The following ZZEF1 variants were observed in gnomAD, a reference collection of about 807,000 sequenced individuals.
The protein encoded by ZZEF1 is zinc finger ZZ-type and EF-hand domain-containing protein 1.
ZZEF1 carries 157 observed loss-of-function variants against 342.8 expected under a neutral mutation model. The observed-to-expected ratio is 0.46, with a 90% CI of 0.40 to 0.52. The LOEUF (loss-of-function observed/expected upper bound fraction) is 0.52, where lower values mean the gene tolerates loss of function less well. Ranked by LOEUF, ZZEF1 falls within the 20% of genes least tolerant of loss-of-function variation. The probability of loss-of-function intolerance (pLI) is 0.00; values close to 1 mark genes in which losing one functional copy is unlikely to be tolerated. For missense variants in ZZEF1, 3,480 were observed against 3,725.6 expected, an observed-to-expected ratio of 0.93 and a Z score of 1.72; for synonymous variants, 1,505 against 1,429.1, an observed-to-expected ratio of 1.05 and a Z score of -1.20.
chr17:4,074,448 A>G, intron 23 of ZZEF1, 97 bp from the exon 24 acceptor site: 1 of 1,253,312 alleles, frequency 8.0e-7, no homozygotes, highest in Non-Finnish European at 1.1e-6. Flanking sequence ...TCAGTTTAAA[A>G]TTGATCTCTA....
intron 34 of ZZEF1, 79 bp downstream of exon 34, chr17:4,053,978 G>C (rs1192229158): frequency 6.7e-7 from 1 of 1,490,536 alleles, no homozygotes; most frequent in Admixed American, 2.1e-5. Context: ...TACACTGAGA[G>C]TTTTTAAAAA....
chr17:4,104,297 C>T (rs1388101167), intron 8 of ZZEF1, among the ~76,000 whole-genome samples: 3 of 152,198 alleles, frequency 2.0e-5, no homozygotes, highest in Non-Finnish European at 4.4e-5. Flanking sequence ...TTGGCCTACA[C>T]AATGAGACAC....
At chr17:4,010,763 T>C (rs1010681294) in intron 52 of ZZEF1, among the ~76,000 whole-genome samples, 1 of 138,420 alleles carries the variant, frequency 7.2e-6, no homozygotes, top group African/African-American at 2.7e-5. Context: ...AAAAGCAAGA[T>C]GTAAAACTAC....
chr17:4,048,816 C>T lies in ZZEF1; in HGVS notation c.6015+892G>A, dbSNP rs921228922. ...GCAACCTCCGCCTCCCGGGTTCAAG[C>T]GATTCCCCTGCCTCTCGAGTAGCTG... On this transcript the variant is annotated intron_variant, in intron 37 of 54. Transcript: ENST00000381638. Among the ~76,000 whole-genome samples, 11 of 151,850 alleles carry T rather than the reference C, an allele frequency of 7.2e-5. No individual in the cohort carries two copies. The East Asian group carries it at 1.2e-3, about 16-fold the overall frequency.
chr17:4,068,284 A>C (rs1281598455), intron 26 of ZZEF1, among the ~76,000 whole-genome samples: 3 of 152,144 alleles, frequency 2.0e-5, no homozygotes, highest in African/African-American at 7.2e-5. Context: ...TTAGAAAAAT[A>C]ACAATTTTTT....
At chr17:4,056,148 C>T in intron 33 of ZZEF1, 68 bp downstream of exon 33, 1 of 1,418,074 alleles carries the variant, frequency 7.1e-7, no homozygotes, top group Non-Finnish European at 9.3e-7. Context: ...CCAGAACCCC[C>T]CCAGGCAAAC....
At chr17:4,082,205 A>G (rs1000301765) in intron 17 of ZZEF1, among the ~76,000 whole-genome samples, 13 of 152,222 alleles carry the variant, frequency 8.5e-5, no homozygotes, top group African/African-American at 3.1e-4. Context: ...AAGTGTTCAA[A>G]AAGACCCTCA....
intron 39 of ZZEF1, among the ~76,000 whole-genome samples, chr17:4,038,591 G>T (rs1331512324): frequency 6.6e-6 from 1 of 152,164 alleles, no homozygotes; most frequent in Non-Finnish European, 1.5e-5. Flanking sequence ...GATCACTGGA[G>T]GCCAGGAGTT....
intron 29 of ZZEF1, 109 bp from the exon 30 acceptor site, chr17:4,063,026 T>C (rs956285846): frequency 1.7e-6 from 2 of 1,162,804 alleles, no homozygotes; most frequent in Non-Finnish European, 2.3e-6. Flanking sequence ...GAAACACTAT[T>C]GTGAGGTATT....
At chr17:4,133,014 G>A (rs1217408941) in intron 1 of ZZEF1, among the ~76,000 whole-genome samples, 2 of 152,018 alleles carry the variant, frequency 1.3e-5, no homozygotes, top group African/African-American at 4.8e-5. Context: ...GCACAGAGCA[G>A]AGCCTCATCT....
intron 12 of ZZEF1, among the ~76,000 whole-genome samples, chr17:4,090,288 C>T (rs367920365): frequency 7.1e-6 from 1 of 140,874 alleles, no homozygotes; most frequent in East Asian, 2.1e-4. Context: ...CTCCTCCACA[C>T]ACTGTAGCCT....
chr17:4,106,750 C>T (rs974376383), intron 6 of ZZEF1, among the ~76,000 whole-genome samples: 1 of 152,126 alleles, frequency 6.6e-6, no homozygotes, highest in South Asian at 2.1e-4. Flanking sequence ...ACTTCTGAGC[C>T]CTACTGTGTG....
chr17:4,102,629 A>T (rs1168943315), intron 8 of ZZEF1, among the ~76,000 whole-genome samples: 1 of 152,208 alleles, frequency 6.6e-6, no homozygotes, highest in Non-Finnish European at 1.5e-5. Context: ...TATGGCCCTG[A>T]GTGATTCCAA....
intron 28 of ZZEF1, among the ~76,000 whole-genome samples, chr17:4,065,840 T>C (rs758912810): frequency 1.3e-5 from 2 of 152,042 alleles, no homozygotes; most frequent in Admixed American, 6.5e-5. Flanking sequence ...CACTTTAAAA[T>C]CATAACAAGG....
chr17:4,098,241 CAAAA>C (rs61342066), intron 9 of ZZEF1, among the ~76,000 whole-genome samples: 6 of 103,370 alleles, frequency 5.8e-5, no homozygotes, highest in East Asian at 2.8e-4. Flanking sequence ...GACTCCAACT[CAAAA>C]AAAAAAAAAA....
Position 4,104,649 on chromosome 17 carries a change from G to C in ZZEF1, c.1557C>G (p.Asn519Lys). ...CATATTTACCATATTTGAGGAGCAG[G>C]TTCTGTCTGACTGACGCCATGGACA... ...LILSMASVRQNLLLKYGKPLQ... is the reference protein window; with the variant it reads ...LILSMASVRQKLLLKYGKPLQ... The change falls in exon 8 of 55, where the codon AAC becomes AAG. Residue 519 changes from asparagine to lysine, a missense_variant. Physicochemically the swap from Asn to Lys is moderately conservative, Grantham distance 94. Around this residue, in one of 5 missense-constraint regions of ZZEF1, gnomAD observed 1,528 missense variants for 1,624.1 expected, o/e 0.94. Transcript: ENST00000381638. The C allele has an allele frequency of 6.2e-7, 1 of 1,614,012 alleles. No individual in the cohort carries two copies. The highest frequency in any genetic ancestry group is 1.3e-5 in the African/African-American group (1 of 75,026).
Position 4,059,207 on chromosome 17 carries a change from A to G in ZZEF1, c.4967T>C (p.Val1656Ala). The change falls in exon 31 of 55, where the codon GTC becomes GCC. Residue 1656 changes from valine to alanine, a missense_variant. Val to Ala is a moderately conservative substitution (Grantham distance 64). This residue lies in a region of ZZEF1 where 1,528 missense variants were observed against 1,624.1 expected (regional missense o/e 0.94). Coordinates refer to ENST00000381638, the MANE Select transcript of ZZEF1 (RefSeq NM_015113.4). ...DTYYQLVLFL[V>A]KAVKGFSSLN... ...GCTACTAAATCCTTTAACTGCTTTG[A>G]CCAAAAACAGAACAAGTTGATAGTA... 1 of 1,607,932 alleles carries G rather than the reference A, an allele frequency of 6.2e-7. No individual in the cohort carries two copies. The highest frequency in any genetic ancestry group is 8.5e-7 in the Non-Finnish European group (1 of 1,179,034).
At chr17:4,104,588 T>C in intron 8 of ZZEF1, 45 bp downstream of exon 8, 1 of 1,600,694 alleles carries the variant, frequency 6.2e-7, no homozygotes, top group Non-Finnish European at 8.5e-7. Flanking sequence ...TTACGATTTG[T>C]CCACTGTTGA....
At chr17:4,033,253 C>G in intron 40 of ZZEF1, 1 of 412,522 alleles carries the variant, frequency 2.4e-6, no homozygotes, top group Non-Finnish European at 4.4e-6. Context: ...TGTGTGTGCA[C>G]ATGCACACTC....
Sources: allele counts gnomAD v4.1 joint callset (sites outside exome capture counted in the v4.1 genomes callset), GRCh38; gene constraint gnomAD v4.1.1; regional missense constraint gnomAD v4.1.1; transcripts MANE v1.5; gene names NCBI Gene and HGNC (gene_info 2026-07-23, HGNC 2026-07-21).